R3HCC1L: variants seen among roughly 807,000 people sequenced by gnomAD.
R3HCC1L encodes R3H domain and coiled-coil containing 1 like, also known as coiled-coil domain-containing protein R3HCC1L.
A neutral mutation model predicts 59.9 loss-of-function variants in R3HCC1L; 51 were observed. The observed-to-expected ratio is 0.85, with a 90% CI of 0.68 to 1.07. The LOEUF (loss-of-function observed/expected upper bound fraction) is 1.07, where lower values mean the gene tolerates loss of function less well. Ranked by LOEUF, R3HCC1L falls within the 50% of genes least tolerant of loss-of-function variation. The probability of loss-of-function intolerance (pLI) is 0.00; values close to 1 mark genes in which losing one functional copy is unlikely to be tolerated. For synonymous variants in R3HCC1L, 322 were observed against 315.2 expected (o/e 1.02, Z -0.23); for missense variants, 965 against 933.0 (o/e 1.03, Z -0.45).
At chr10:98,137,448 T>TTA (rs1318482852) in intron 1 of R3HCC1L, among the ~76,000 whole-genome samples, 1 of 152,210 alleles carries the variant, frequency 6.6e-6, no homozygotes, top group East Asian at 1.9e-4. Flanking sequence ...GTTGCTGTTG[T>TTA]TATTGATGAT....
chr10:98,161,492 A>G (rs1476814127), intron 2 of R3HCC1L, among the ~76,000 whole-genome samples: 2 of 151,940 alleles, frequency 1.3e-5, no homozygotes, highest in Non-Finnish European at 2.9e-5. Context: ...GAATGTTTAG[A>G]CCTTTATGTA....
Position 98,236,149 on chromosome 10 carries a change from C to CTGCAAGAAG in R3HCC1L, c.2255_2263dup (p.Glu754_Ala755insValGlnGlu), listed in dbSNP as rs1325767344. ...CGAACGAGAAGCAGAGCTCAAGAAACTGCAAGAAGCCAGAGGTGAGCTGAA... is the reference window on the plus strand; with the variant it reads ...CGAACGAGAAGCAGAGCTCAAGAAACTGCAAGAAGTGCAAGAAGCCAGAGGTGAGCTGAA... On this transcript the variant is annotated inframe_insertion, in exon 9 of 10. Transcript: ENST00000298999. The CTGCAAGAAG allele has an allele frequency of 1.9e-6, 3 of 1,613,672 alleles. No individual in the cohort carries two copies. The highest frequency in any genetic ancestry group is 2.2e-5 in the East Asian group (1 of 44,884).
chr10:98,172,489 C>T (rs991453867), intron 4 of R3HCC1L, among the ~76,000 whole-genome samples: 2 of 152,174 alleles, frequency 1.3e-5, no homozygotes, highest in Non-Finnish European at 2.9e-5. Flanking sequence ...TACTGGGCTT[C>T]TGACCGCTGA....
At chr10:98,152,945 T>G (rs1413021013) in intron 1 of R3HCC1L, among the ~76,000 whole-genome samples, 6 of 143,764 alleles carry the variant, frequency 4.2e-5, no homozygotes, top group African/African-American at 1.6e-4. Context: ...GGGAGAGAGG[T>G]GGGGGGTCAG....
chr10:98,207,577 G>C (rs1262689741), intron 4 of R3HCC1L, among the ~76,000 whole-genome samples: 1 of 152,014 alleles, frequency 6.6e-6, no homozygotes, highest in East Asian at 1.9e-4. Flanking sequence ...AGATATCTTA[G>C]ATCAAAAGCA....
At chr10:98,136,832 G>A (rs1844633583) in intron 1 of R3HCC1L, among the ~76,000 whole-genome samples, 1 of 152,222 alleles carries the variant, frequency 6.6e-6, no homozygotes, top group South Asian at 2.1e-4. Context: ...TTGAGACTCT[G>A]TTGGGCATAA....
At chr10:98,183,192 A>AT (rs769194848) in intron 4 of R3HCC1L, among the ~76,000 whole-genome samples, 12 of 152,122 alleles carry the variant, frequency 7.9e-5, no homozygotes, top group Admixed American at 3.3e-4. Context: ...AAGGCTGAAC[A>AT]TTTTTTATTT....
intron 1 of R3HCC1L, among the ~76,000 whole-genome samples, chr10:98,150,133 T>C (rs1846002659): frequency 6.6e-6 from 1 of 152,252 alleles, no homozygotes; most frequent in South Asian, 2.1e-4. Context: ...TGAGTTCCAA[T>C]ATTTGATTTC....
intron 1 of R3HCC1L, among the ~76,000 whole-genome samples, chr10:98,143,144 T>TA (rs1374478925): frequency 3.3e-5 from 5 of 152,238 alleles, no homozygotes; most frequent in Non-Finnish European, 1.5e-5. Context: ...GTTAAAAACT[T>TA]AGTGTTAGGA....
intron 9 of R3HCC1L, among the ~76,000 whole-genome samples, chr10:98,238,311 G>A (rs1035399210): frequency 2.0e-5 from 3 of 152,344 alleles, no homozygotes; most frequent in African/African-American, 7.2e-5. Flanking sequence ...CTGTTTAGGA[G>A]AATTAGAAAG....
rs756877994 is a variant in R3HCC1L, at chr10:98,235,508, A to G, written c.2116A>G (p.Arg706Gly). ...CACAAGAGCAGCCAAGGCCAAAGCTAGAGCTTATGCTGGTGAGTCTATAAT... is the reference window on the plus strand; with the variant it reads ...CACAAGAGCAGCCAAGGCCAAAGCTGGAGCTTATGCTGGTGAGTCTATAAT... ...QATRAAKAKARAYAEFLQPAK... is the reference protein window; with the variant it reads ...QATRAAKAKAGAYAEFLQPAK... The change falls in exon 8 of 10, where the codon AGA becomes GGA. Residue 706 changes from arginine to glycine, a missense_variant. Physicochemically the swap from Arg to Gly is moderately radical, Grantham distance 125. Transcript: ENST00000298999. 1.2e-6 allele frequency: 2 copies of G among 1,612,098 alleles called. No individual in the cohort carries two copies. The highest frequency in any genetic ancestry group is 4.5e-5 in the East Asian group (2 of 44,864).
chr10:98,200,584 AC>A (rs1220377843), intron 4 of R3HCC1L, among the ~76,000 whole-genome samples: 1 of 152,118 alleles, frequency 6.6e-6, no homozygotes, highest in Non-Finnish European at 1.5e-5. Context: ...TAGAGCAATA[AC>A]TTTTGTAGTA....
intron 5 of R3HCC1L, among the ~76,000 whole-genome samples, chr10:98,223,991 C>T (rs911120449): frequency 4.6e-5 from 7 of 152,258 alleles, no homozygotes; most frequent in Middle Eastern, 3.4e-3. Context: ...AGAATAATTA[C>T]GCAGGTGGGG....
chr10:98,148,374 T>C (rs1845856083), intron 1 of R3HCC1L, among the ~76,000 whole-genome samples: 1 of 152,186 alleles, frequency 6.6e-6, no homozygotes, highest in African/African-American at 2.4e-5. Flanking sequence ...TGGTGCCCTG[T>C]ATTTCTTTCT....
intron 4 of R3HCC1L, among the ~76,000 whole-genome samples, chr10:98,201,397 A>T (rs1852028545): frequency 2.0e-5 from 3 of 152,246 alleles, no homozygotes; most frequent in Admixed American, 6.5e-5. Flanking sequence ...TGAATACCTC[A>T]CTTAAGACAT....
At chr10:98,226,736 T>TC (rs1855713721) in intron 5 of R3HCC1L, among the ~76,000 whole-genome samples, 1 of 152,258 alleles carries the variant, frequency 6.6e-6, no homozygotes, top group African/African-American at 2.4e-5. Flanking sequence ...TATTGCAGAC[T>TC]CCTTTTGTCC....
Position 98,209,251 on chromosome 10 carries a change from CA to C in R3HCC1L, c.1138del (p.Thr380LeufsTer10). On this transcript the variant is annotated frameshift_variant, in exon 5 of 10. Transcript: ENST00000298999. LOFTEE classifies it high-confidence loss of function. Reference sequence around the variant, plus strand: ...TTACCAATAAAGCATGTATGATGGACACTACAGGTATGTCCTGTAGTGATCA... The same window carrying C: ...TTACCAATAAAGCATGTATGATGGACCTACAGGTATGTCCTGTAGTGATCA... Reference protein sequence around the residue: ...DITNKACMMDTTGMSCSDHVT... With the variant: ...DITNKACMMDXTGMSCSDHVT... 1.9e-6 allele frequency: 3 copies of C among 1,613,902 alleles called. No homozygotes were observed. The highest frequency in any genetic ancestry group is 2.5e-6 in the Non-Finnish European group (3 of 1,179,982).
chr10:98,167,805 C>T (rs1318035071), intron 4 of R3HCC1L, among the ~76,000 whole-genome samples: 2 of 152,132 alleles, frequency 1.3e-5, no homozygotes, highest in African/African-American at 4.8e-5. Context: ...TAATAGCTAC[C>T]TCTTAGTATT....
At chr10:98,232,995 C>A (rs1051100624) in intron 6 of R3HCC1L, among the ~76,000 whole-genome samples, 1 of 152,086 alleles carries the variant, frequency 6.6e-6, no homozygotes, top group African/African-American at 2.4e-5. Flanking sequence ...GACAGTTAAT[C>A]TCTGCCATAA....
Sources: gnomAD v4.1 joint callset for allele counts (sites outside exome capture counted in the v4.1 genomes callset) on GRCh38, gnomAD v4.1.1 for gene constraint, MANE v1.5 for transcripts, NCBI Gene and HGNC (gene_info 2026-07-23, HGNC 2026-07-21) for gene names.